ZDHHC5: variants seen among roughly 807,000 people sequenced by gnomAD.
ZDHHC5 encodes the protein zDHHC palmitoyltransferase 5.
In ZDHHC5, 22 loss-of-function variants were observed where a neutral mutation model predicts 70.0. That is an observed-to-expected ratio of 0.31 (90% CI 0.22 to 0.45). The LOEUF is 0.45. Ranked by LOEUF, ZDHHC5 falls within the 20% of genes least tolerant of loss-of-function variation. ZDHHC5 has a pLI of 1.00. For missense variants in ZDHHC5, 746 were observed against 926.9 expected, an observed-to-expected ratio of 0.80 and a Z score of 2.53; for synonymous variants, 313 against 347.8, an observed-to-expected ratio of 0.90 and a Z score of 1.11.
chr11:57,671,550 T>C (rs1322813397), intron 1 of ZDHHC5, among the ~76,000 whole-genome samples: 1 of 152,208 alleles, frequency 6.6e-6, no homozygotes, highest in Non-Finnish European at 1.5e-5. Context: ...CTAAAAAGCA[T>C]AGAGGAGCAA....
intron 3 of ZDHHC5, among the ~76,000 whole-genome samples, chr11:57,687,756 GT>G (rs746146074): frequency 0.014 from 1,076 of 75,258 alleles, 10 homozygotes; most frequent in African/African-American, 0.041. Flanking sequence ...TTTTGGGAAA[GT>G]TTTTTTTTTT....
At position 57,700,174 on chromosome 11, in the gene ZDHHC5, T is replaced by TA; in HGVS notation, c.*147dup. 8.9e-7 allele frequency: 1 copy of TA among 1,126,480 alleles called. No homozygotes were observed. 69.8% of individuals were successfully genotyped at this position (1,126,480 alleles called of 1,614,324 possible). A position where few individuals can be genotyped will look rare whatever the true frequency, so the allele number is the denominator to read the frequency against. ...TTCCAAGAGGATGAGGAGTGTTTTC[T>TA]AAAATGCAGTAGGCTTGGGGAGTCG... On this transcript the variant is annotated 3_prime_UTR_variant, in exon 12 of 12. Coordinates refer to ENST00000287169, the MANE Select transcript of ZDHHC5 (RefSeq NM_015457.3).
At chr11:57,692,172 A>G (rs991649239) in intron 6 of ZDHHC5, among the ~76,000 whole-genome samples, 4 of 152,038 alleles carry the variant, frequency 2.6e-5, no homozygotes, top group Non-Finnish European at 4.4e-5. Flanking sequence ...GCCTGACACC[A>G]TGCCCGGCTA....
At chr11:57,675,164 A>ACCAAC in intron 2 of ZDHHC5, among the ~76,000 whole-genome samples, 1 of 152,206 alleles carries the variant, frequency 6.6e-6, no homozygotes, top group Non-Finnish European at 1.5e-5. Context: ...CAAGAGGGGT[A>ACCAAC]TGTACAAGAC....
At chr11:57,675,128 A>G (rs116884349) in intron 2 of ZDHHC5, among the ~76,000 whole-genome samples, 73 of 152,352 alleles carry the variant, frequency 4.8e-4, no homozygotes, top group Middle Eastern at 6.8e-3. Context: ...ATATCTTAGT[A>G]TCCTGTAGCA....
At chr11:57,673,315 G>C (rs1946030555) in intron 2 of ZDHHC5, 121 bp downstream of exon 2, 1 of 845,608 alleles carries the variant, frequency 1.2e-6, no homozygotes. Flanking sequence ...GTCTGGTACA[G>C]GTAAATCCAA....
At chr11:57,692,456 C>T (rs924884880) in intron 6 of ZDHHC5, among the ~76,000 whole-genome samples, 155 bp from the exon 7 acceptor site, 1 of 152,222 alleles carries the variant, frequency 6.6e-6, no homozygotes, top group African/African-American at 2.4e-5. Context: ...TGTAGATTCC[C>T]TGCTCTTAAC....
At chr11:57,683,506 G>T (rs1565193232) in intron 3 of ZDHHC5, among the ~76,000 whole-genome samples, 1 of 152,144 alleles carries the variant, frequency 6.6e-6, no homozygotes, top group Non-Finnish European at 1.5e-5. Context: ...AGATAAGTTG[G>T]ATACTGATTT....
chr11:57,694,583 A>G (rs1946326019), intron 8 of ZDHHC5, among the ~76,000 whole-genome samples: 2 of 152,204 alleles, frequency 1.3e-5, no homozygotes, highest in Non-Finnish European at 2.9e-5. Flanking sequence ...GCTGGTCTCA[A>G]ACTCCTGACC....
At chr11:57,692,513 C>T in intron 6 of ZDHHC5, 98 bp from the exon 7 acceptor site, 1 of 987,426 alleles carries the variant, frequency 1.0e-6, no homozygotes, top group Admixed American at 2.1e-5. Context: ...GCATAGCCCT[C>T]AGATAGTGAG....
chr11:57,676,225 C>G (rs575568623), intron 2 of ZDHHC5, among the ~76,000 whole-genome samples: 2 of 152,308 alleles, frequency 1.3e-5, no homozygotes, highest in South Asian at 4.1e-4. Flanking sequence ...TGATCTGCCC[C>G]AGAGAATCTT....
At position 57,672,729 on chromosome 11, in the gene ZDHHC5, C is replaced by CT. The variant is rs1946022176; in HGVS notation, c.-360dup. On this transcript the variant is annotated 5_prime_UTR_variant, in exon 2 of 12. The change abolishes the stop of an existing upstream ORF in the 5' untranslated region. Coordinates refer to ENST00000287169, the MANE Select transcript of ZDHHC5 (RefSeq NM_015457.3). ...ACCTGCCTCCATCCATGAGCTGTAT[C>CT]TTGATCTGTCTGACTGTCCATGTTT... The CT allele has an allele frequency of 9.7e-6, 2 of 205,164 alleles. No homozygotes were observed. Among genetic ancestry groups the CT allele is most frequent in the South Asian group, 2.1e-4 (2 of 9,450 alleles). 12.7% of individuals were successfully genotyped at this position (205,164 alleles called of 1,614,324 possible).
chr11:57,693,060 A>T (rs923357155), intron 7 of ZDHHC5, among the ~76,000 whole-genome samples: 2 of 152,090 alleles, frequency 1.3e-5, no homozygotes, highest in Non-Finnish European at 2.9e-5. Context: ...CACACCCAGC[A>T]CTTTGGGAGG....
At chr11:57,688,716 A>C in intron 4 of ZDHHC5, 51 bp downstream of exon 4, 1 of 1,513,284 alleles carries the variant, frequency 6.6e-7, no homozygotes, top group Non-Finnish European at 8.9e-7. Flanking sequence ...CATTGTCTTC[A>C]TCCTAACCAT....
At chr11:57,680,698 C>G (rs1946138757) in intron 2 of ZDHHC5, among the ~76,000 whole-genome samples, 1 of 152,276 alleles carries the variant, frequency 6.6e-6, no homozygotes, top group African/African-American at 2.4e-5. Context: ...GGGCTCTGAC[C>G]TGGATGACTG....
intron 7 of ZDHHC5, among the ~76,000 whole-genome samples, 176 bp from the exon 8 acceptor site, chr11:57,693,607 G>A (rs549465171): frequency 2.8e-4 from 43 of 152,306 alleles, no homozygotes; most frequent in African/African-American, 1.0e-3. Flanking sequence ...GCCTAGTCCT[G>A]CTGCAGTCCT....
At chr11:57,678,154 A>T (rs914166772) in intron 2 of ZDHHC5, among the ~76,000 whole-genome samples, 6 of 152,196 alleles carry the variant, frequency 3.9e-5, no homozygotes, top group African/African-American at 1.2e-4. Flanking sequence ...TTAGGAGCTT[A>T]GTGTCTCTGT....
chr11:57,700,283 CAG>C lies in ZDHHC5; in HGVS notation c.*253_*254del, dbSNP rs1946424955. 5.4e-6 allele frequency: 2 copies of C among 367,980 alleles called. No homozygotes were observed. Among genetic ancestry groups the C allele is most frequent in the East Asian group, 9.1e-5 (2 of 21,880 alleles). 22.8% of individuals were successfully genotyped at this position (367,980 alleles called of 1,614,324 possible). A position where few individuals can be genotyped will look rare whatever the true frequency, so the allele number is the denominator to read the frequency against. ...CCTTCCTTGATCCCTGGACCAGACT[CAG>C]TGGACATTTGTGCAATTGCTCGCCC... On this transcript the variant is annotated 3_prime_UTR_variant, in exon 12 of 12. Transcript: ENST00000287169.
intron 4 of ZDHHC5, among the ~76,000 whole-genome samples, 159 bp downstream of exon 4, chr11:57,688,824 G>A (rs959172492): frequency 6.6e-6 from 1 of 152,246 alleles, no homozygotes; most frequent in African/African-American, 2.4e-5. Context: ...GACATGGCAT[G>A]AGAGGCAGAG....
Sources: allele counts gnomAD v4.1 joint callset (sites outside exome capture counted in the v4.1 genomes callset), GRCh38; gene constraint gnomAD v4.1.1; transcripts MANE v1.5; gene names NCBI Gene and HGNC (gene_info 2026-07-23, HGNC 2026-07-21).